Variants in TMEM245 observed in about 807,000 individuals in gnomAD.
TMEM245 encodes the protein protein CG-2.
Under a neutral mutation model 101.2 loss-of-function variants are expected in TMEM245, and 69 were observed. That is an observed-to-expected ratio of 0.68 (90% CI 0.56 to 0.83). The LOEUF (loss-of-function observed/expected upper bound fraction) is 0.83, where lower values mean the gene tolerates loss of function less well. Among genes scored for constraint, TMEM245 ranks in the 40% least tolerant of loss-of-function variants. The pLI is 0.00. For synonymous variants in TMEM245, 537 were observed against 449.8 expected (o/e 1.19, Z -2.45); for missense variants, 1,075 against 1,092.8 (o/e 0.98, Z 0.23).
intron 3 of TMEM245, among the ~76,000 whole-genome samples, chr9:109,105,594 C>G (rs1830389409): frequency 6.6e-6 from 1 of 152,124 alleles, no homozygotes; most frequent in Non-Finnish European, 1.5e-5. Flanking sequence ...AGAAATAACC[C>G]AAATATCCAT....
Position 109,091,101 on chromosome 9 carries a change from G to C in TMEM245, c.971C>G (p.Ser324Cys). ...APTLSTSPSP[S>C]SPSPTSPSPT... is the part of the protein sequence containing the mutation. Reference sequence around the variant, plus strand: ...TGAAGGGGAAGTGGGTGAAGGGGAGGAGGGTGAAGGGGAGGTGGACAACGT... The same window carrying C: ...TGAAGGGGAAGTGGGTGAAGGGGAGCAGGGTGAAGGGGAGGTGGACAACGT... The change falls in exon 5 of 18, where the codon TCC becomes TGC. Residue 324 changes from serine to cysteine, a missense_variant. Transcript: ENST00000374586. 6.2e-7 allele frequency: 1 copy of C among 1,614,038 alleles called. No homozygotes were observed. Among genetic ancestry groups the C allele is most frequent in the African/African-American group, 1.3e-5 (1 of 75,020 alleles).
At chr9:109,079,465 T>G (rs1007383715) in intron 8 of TMEM245, among the ~76,000 whole-genome samples, 1 of 152,056 alleles carries the variant, frequency 6.6e-6, no homozygotes, top group East Asian at 1.9e-4. Context: ...TGACGTTACA[T>G]TTGAGATGTC....
chr9:109,072,436 C>T (rs910063216), intron 9 of TMEM245, among the ~76,000 whole-genome samples: 4 of 152,244 alleles, frequency 2.6e-5, no homozygotes. Flanking sequence ...CCCTGAACAT[C>T]TGCTTTTTAG....
intron 7 of TMEM245, among the ~76,000 whole-genome samples, chr9:109,081,542 C>T (rs900712072): frequency 6.6e-6 from 1 of 151,838 alleles, no homozygotes; most frequent in African/African-American, 2.4e-5. Flanking sequence ...GCCCAAGGAG[C>T]GAGGGGTTGG....
At chr9:109,098,760 A>C (rs989928588) in intron 3 of TMEM245, among the ~76,000 whole-genome samples, 1 of 152,200 alleles carries the variant, frequency 6.6e-6, no homozygotes, top group Non-Finnish European at 1.5e-5. Context: ...CCAAGGTTTC[A>C]GGTATCAATC....
rs1403263108 is a variant in TMEM245, at chr9:109,083,909, A to AAAAC, written c.1344+2087_1344+2088insGTTT. On this transcript the variant is annotated intron_variant, in intron 7 of 17. Transcript: ENST00000374586. ...CATCTCTACTAAAAATACAAAAAAA[A>AAAAC]AAAAAAAAAAAAAAAAAAAACACCA... 3.6e-5 allele frequency among the ~76,000 whole-genome samples: 4 copies of AAAAC among 111,528 alleles called. 1 individual carries two copies. The highest frequency in any genetic ancestry group is 1.4e-4 in the African/African-American group (4 of 28,356). 73.2% of individuals were successfully genotyped at this position (111,528 alleles called of 152,430 possible). A position where few individuals can be genotyped will look rare whatever the true frequency, so the allele number is the denominator to read the frequency against.
At chr9:109,078,253 G>T (rs1195893514) in intron 8 of TMEM245, among the ~76,000 whole-genome samples, 2 of 152,022 alleles carry the variant, frequency 1.3e-5, no homozygotes, top group African/African-American at 4.8e-5. Flanking sequence ...TGTTATAAAG[G>T]CCACAACAGT....
At chr9:109,046,116 A>G (rs1828481605) in intron 14 of TMEM245, 1 of 306,426 alleles carries the variant, frequency 3.3e-6, no homozygotes, top group Admixed American at 3.1e-5. Context: ...TCCAAATGAG[A>G]ATCGCATGGC....
chr9:109,076,405 T>G (rs947576756), intron 8 of TMEM245, among the ~76,000 whole-genome samples: 8 of 141,804 alleles, frequency 5.6e-5, no homozygotes, highest in Non-Finnish European at 9.3e-5. Context: ...GGGGGAGGGA[T>G]AGCATTAGGA....
intron 1 of TMEM245, among the ~76,000 whole-genome samples, chr9:109,115,912 G>C (rs1404866157): frequency 6.6e-6 from 1 of 152,150 alleles, no homozygotes; most frequent in East Asian, 1.9e-4. Context: ...ACAGAGTTTT[G>C]ATAACAGCAG....
intron 1 of TMEM245, among the ~76,000 whole-genome samples, chr9:109,117,629 A>T (rs1472853266): frequency 6.6e-6 from 1 of 152,226 alleles, no homozygotes; most frequent in Non-Finnish European, 1.5e-5. Context: ...TCCACTGAGT[A>T]TCTGAGAGAG....
chr9:109,083,518 G>A (rs10979684), intron 7 of TMEM245, among the ~76,000 whole-genome samples: 8,099 of 152,082 alleles, frequency 0.053, 340 homozygotes, highest in Admixed American at 0.12. Context: ...ATGACATTCC[G>A]AATGTTTCAA....
chr9:109,073,146 A>G (rs1258244652), intron 9 of TMEM245: 21 of 546,298 alleles, frequency 3.8e-5, no homozygotes, highest in Admixed American at 2.8e-4. Context: ...AGTATCATTT[A>G]CCATGAATTG....
At position 109,073,865 on chromosome 9, in the gene TMEM245, T is replaced by TTTG. The variant is rs1554723984; in HGVS notation, c.1450-428_1450-427insCAA. 4.0e-5 allele frequency among the ~76,000 whole-genome samples: 6 copies of TTTG among 148,474 alleles called. 1 individual carries two copies. The highest frequency in any genetic ancestry group is 9.9e-5 in the African/African-American group (4 of 40,304). On this transcript the variant is annotated intron_variant, in intron 8 of 17. Coordinates refer to ENST00000374586, the MANE Select transcript of TMEM245 (RefSeq NM_032012.4). The stretch of plus-strand genomic sequence containing the variant: ...CTAACTTTTTTTTTTTGTTTTTTTT[T>TTTG]TTTTTTTTTTAGCCAGGTTCTCGCT...
chr9:109,057,036 T>C (rs1564183658), intron 12 of TMEM245, among the ~76,000 whole-genome samples, 155 bp downstream of exon 12: 2 of 152,220 alleles, frequency 1.3e-5, no homozygotes, highest in African/African-American at 4.8e-5. Flanking sequence ...CTATGGCTTT[T>C]GAACATCATC....
At chr9:109,086,171 T>A (rs1019084495) in intron 6 of TMEM245, 151 bp from the exon 7 acceptor site, 10 of 722,390 alleles carry the variant, frequency 1.4e-5, no homozygotes, top group Non-Finnish European at 1.9e-5. Context: ...CTGTAACACA[T>A]CAAAGTTTTA....
At chr9:109,064,681 A>G (rs1306019533) in intron 9 of TMEM245, 114 bp from the exon 10 acceptor site, 1 of 757,240 alleles carries the variant, frequency 1.3e-6, no homozygotes, top group African/African-American at 1.7e-5. Context: ...ATCATTCACC[A>G]ATACACAGAT....
intron 15 of TMEM245, among the ~76,000 whole-genome samples, chr9:109,037,314 C>T (rs576707097): frequency 5.3e-4 from 81 of 152,286 alleles, no homozygotes; most frequent in African/African-American, 1.7e-3. Flanking sequence ...TCAATTCAAA[C>T]GTTACTGAGA....
At chr9:109,066,162 T>C (rs993765581) in intron 9 of TMEM245, among the ~76,000 whole-genome samples, 4 of 152,150 alleles carry the variant, frequency 2.6e-5, no homozygotes, top group African/African-American at 9.7e-5. Context: ...CACTCAAACA[T>C]TTCTCAGCAA....
Sources: allele counts gnomAD v4.1 joint callset (sites outside exome capture counted in the v4.1 genomes callset), GRCh38; gene constraint gnomAD v4.1.1; transcripts MANE v1.5; gene names NCBI Gene and HGNC (gene_info 2026-07-23, HGNC 2026-07-21).